Variants in RAF1 observed in about 807,000 individuals in gnomAD.
RAF1 encodes RAF proto-oncogene serine/threonine-protein kinase.
RAF1 carries 27 observed loss-of-function variants against 81.1 expected under a neutral mutation model. The ratio of observed to expected loss-of-function variants is 0.33; its 90% CI spans 0.25 to 0.46. RAF1 has a LOEUF of 0.46. RAF1 is among the 20% of genes least tolerant of loss of function. The pLI is 1.00. For synonymous variants in RAF1, 298 were observed against 294.0 expected (o/e 1.01, Z -0.14); for missense variants, 598 against 826.0 (o/e 0.72, Z 3.38).
intron 2 of RAF1, among the ~76,000 whole-genome samples, chr3:12,616,280 C>T (rs1371909833): frequency 6.6e-6 from 1 of 152,178 alleles, no homozygotes; most frequent in Non-Finnish European, 1.5e-5. Context: ...TCCCAGCCTT[C>T]TGGGCAAACT....
intron 2 of RAF1, among the ~76,000 whole-genome samples, chr3:12,616,640 A>G (rs879609091): frequency 4.6e-5 from 7 of 152,210 alleles, no homozygotes; most frequent in Non-Finnish European, 1.0e-4. Flanking sequence ...AGGTTCACAA[A>G]AAAAGTATAA....
intron 8 of RAF1, among the ~76,000 whole-genome samples, chr3:12,601,939 C>G (rs565627347): frequency 6.6e-6 from 1 of 152,128 alleles, no homozygotes; most frequent in Non-Finnish European, 1.5e-5. Context: ...GCCAGGTGGG[C>G]AAAACACTGG....
chr3:12,593,484 C>T (rs891094998), intron 11 of RAF1, among the ~76,000 whole-genome samples: 4 of 149,828 alleles, frequency 2.7e-5, no homozygotes, highest in Non-Finnish European at 4.4e-5. Flanking sequence ...AAAGTTTCAA[C>T]GAGTCCCCAT....
At chr3:12,618,836 C>CT (rs1253850073) in intron 1 of RAF1, 89 bp from the exon 2 acceptor site, 1 of 1,072,322 alleles carries the variant, frequency 9.3e-7, no homozygotes, top group East Asian at 2.6e-5. Context: ...GAAAATAGCA[C>CT]TATGTGGGTT....
At chr3:12,601,799 G>T (rs2058870552) in intron 8 of RAF1, among the ~76,000 whole-genome samples, 1 of 152,154 alleles carries the variant, frequency 6.6e-6, no homozygotes, top group Non-Finnish European at 1.5e-5. Context: ...ATTACCTGGA[G>T]AGTGATTCTG....
At chr3:12,584,734 T>C in intron 17 of RAF1, 77 bp from the exon 17 acceptor site, 18 of 1,613,038 alleles carry the variant, frequency 1.1e-5, no homozygotes, top group Non-Finnish European at 1.4e-5. Flanking sequence ...CACCATCTTG[T>C]AGAGGACCTG....
At chr3:12,636,090 AG>A (rs1175014472) in intron 1 of RAF1, among the ~76,000 whole-genome samples, 1 of 151,930 alleles carries the variant, frequency 6.6e-6, no homozygotes, top group African/African-American at 2.4e-5. Context: ...GTTCCAGACC[AG>A]CCTGGCCAGT....
intron 1 of RAF1, among the ~76,000 whole-genome samples, chr3:12,628,746 A>AT (rs1471160470): frequency 2.3e-3 from 79 of 34,386 alleles, no homozygotes; most frequent in Admixed American, 6.5e-3. Context: ...ACCTGAGACT[A>AT]TTTTTGGGGG....
chr3:12,621,857 T>A (rs1379866777), intron 1 of RAF1, among the ~76,000 whole-genome samples: 1 of 152,154 alleles, frequency 6.6e-6, no homozygotes, highest in Non-Finnish European at 1.5e-5. Context: ...TTAATATTAA[T>A]CTACAAAGAG....
intron 10 of RAF1, 129 bp downstream of exon 9, chr3:12,600,023 T>C: frequency 6.9e-7 from 1 of 1,445,116 alleles, no homozygotes; most frequent in Non-Finnish European, 9.7e-7. Context: ...GACAGTAACA[T>C]TTATAATCTC....
chr3:12,587,435 C>T, intron 14 of RAF1, 156 bp downstream of exon 13: 1 of 770,394 alleles, frequency 1.3e-6, no homozygotes, highest in Non-Finnish European at 2.3e-6. Flanking sequence ...CAGGCCAAGC[C>T]TACTAATTTT....
At chr3:12,651,311 A>G (rs1162701687) in intron 1 of RAF1, among the ~76,000 whole-genome samples, 1 of 152,158 alleles carries the variant, frequency 6.6e-6, no homozygotes, top group Non-Finnish European at 1.5e-5. Flanking sequence ...ATTTTTTGCA[A>G]TAATTTCTTT....
rs2058244449 is a variant in RAF1, at chr3:12,584,308, G to A, written c.*206C>T. On this transcript the variant is annotated 3_prime_UTR_variant, in exon 18 of 18. Coordinates refer to ENST00000442415, the MANE Select transcript of RAF1 (RefSeq NM_001354689.3). Reference sequence around the variant, plus strand: ...TGTGGGGAGGGAGCAGGACACACCAGCACTGCAAATGGCTTCCTTCTCCCA... The same window carrying A: ...TGTGGGGAGGGAGCAGGACACACCAACACTGCAAATGGCTTCCTTCTCCCA... 18 of 624,830 alleles carry A rather than the reference G, an allele frequency of 2.9e-5. No individual in the cohort carries two copies. Among genetic ancestry groups the A allele is most frequent in the Non-Finnish European group, 5.1e-5 (18 of 353,870 alleles). 38.7% of individuals were successfully genotyped at this position (624,830 alleles called of 1,614,324 possible). A position where few individuals can be genotyped will look rare whatever the true frequency, so the allele number is the denominator to read the frequency against.
intron 7 of RAF1, chr3:12,603,619 G>GCAGA: frequency 3.2e-6 from 2 of 626,310 alleles, no homozygotes; most frequent in Admixed American, 5.3e-5. Flanking sequence ...TAAAGATGAA[G>GCAGA]CAGAAAGCAA....
chr3:12,591,590 C>T (rs1358657406), intron 12 of RAF1, 118 bp downstream of exon 11: 3 of 841,234 alleles, frequency 3.6e-6, no homozygotes, highest in East Asian at 5.1e-5. Context: ...ACAGAAACTC[C>T]ACAGTGAGTC....
intron 8 of RAF1, among the ~76,000 whole-genome samples, chr3:12,601,280 G>A (rs965595119): frequency 6.6e-6 from 1 of 152,210 alleles, no homozygotes; most frequent in East Asian, 1.9e-4. Context: ...GGCAGAAATA[G>A]AACCAGAAAC....
At chr3:12,594,887 A>G (rs1162337383) in intron 11 of RAF1, among the ~76,000 whole-genome samples, 1 of 152,228 alleles carries the variant, frequency 6.6e-6, no homozygotes, top group Admixed American at 6.5e-5. Flanking sequence ...TAACACAGTT[A>G]TGGTAACAGA....
rs187536543 is a variant in RAF1, at chr3:12,645,029, T to G, written c.-27+18784A>C. Reference sequence around the variant, plus strand: ...CAGAAGAACTGCTTGAACCAGAGAGTTGGAGGTTGCAGTGAGCCAAGAGCG... The same window carrying G: ...CAGAAGAACTGCTTGAACCAGAGAGGTGGAGGTTGCAGTGAGCCAAGAGCG... On this transcript the variant is annotated intron_variant, in intron 1 of 17. Transcript: ENST00000442415. 4.1e-5 allele frequency among the ~76,000 whole-genome samples: 6 copies of G among 146,618 alleles called. No homozygotes were observed. The East Asian group carries it at 1.2e-3, about 29-fold the overall frequency.
intron 15 of RAF1, 35 bp downstream of exon 14, chr3:12,585,646 T>C (rs2058310652): frequency 3.3e-6 from 5 of 1,527,982 alleles, no homozygotes; most frequent in East Asian, 2.3e-5. Flanking sequence ...TTTTGCCCTA[T>C]ACCAGAGACT....
Sources: allele counts gnomAD v4.1 joint callset (sites outside exome capture counted in the v4.1 genomes callset), GRCh38; gene constraint gnomAD v4.1.1; transcripts MANE v1.5; gene names NCBI Gene and HGNC (gene_info 2026-07-23, HGNC 2026-07-21).